The following CEMIP variants were observed in gnomAD, a reference collection of about 807,000 sequenced individuals.
CEMIP encodes cell migration-inducing and hyaluronan-binding protein.
A neutral mutation model predicts 156.9 loss-of-function variants in CEMIP; 105 were observed. That is an observed-to-expected ratio of 0.67 (90% CI 0.57 to 0.79). The LOEUF (loss-of-function observed/expected upper bound fraction) is 0.79. CEMIP is among the 30% of genes least tolerant of loss of function. The pLI is 0.00. For missense variants in CEMIP, 1,457 were observed against 1,769.4 expected, an observed-to-expected ratio of 0.82 and a Z score of 3.17; for synonymous variants, 676 against 668.4, an observed-to-expected ratio of 1.01 and a Z score of -0.17.
chr15:80,840,719 C>A (rs1465026162), intron 1 of CEMIP, among the ~76,000 whole-genome samples: 1 of 152,190 alleles, frequency 6.6e-6, no homozygotes, highest in Non-Finnish European at 1.5e-5. Context: ...CCCAGTTGCC[C>A]TGGACACACC....
At position 80,925,630 on chromosome 15, in the gene CEMIP, C is replaced by T; in HGVS notation, c.2295C>T (p.Ser765=). Residue 765 remains serine, a synonymous_variant, in exon 19 of 30, where the codon AGC becomes AGT. Transcript: ENST00000394685. ...PFLSIISARY[S]PHQDADPLKP... ...CCCCATGGTTGTGCTGCAGATACAGCCCTCACCAGGACGCCGACCCGCTGA... is the reference window on the plus strand; with the variant it reads ...CCCCATGGTTGTGCTGCAGATACAGTCCTCACCAGGACGCCGACCCGCTGA... 1 of 1,612,584 alleles carries T rather than the reference C, an allele frequency of 6.2e-7. No homozygotes were observed.
At chr15:80,858,150 C>T (rs920298717) in intron 1 of CEMIP, among the ~76,000 whole-genome samples, 2 of 152,044 alleles carry the variant, frequency 1.3e-5, no homozygotes, top group African/African-American at 2.4e-5. Flanking sequence ...AAATGTGCCA[C>T]GATTCATGCT....
chr15:80,893,833 T>TC (rs1233602253), intron 10 of CEMIP, among the ~76,000 whole-genome samples: 1 of 147,830 alleles, frequency 6.8e-6, no homozygotes, highest in East Asian at 1.9e-4. Flanking sequence ...AAAAGTCTCC[T>TC]CTTTTTTTTT....
intron 1 of CEMIP, among the ~76,000 whole-genome samples, chr15:80,800,733 T>C (rs1034297319): frequency 6.6e-6 from 1 of 152,252 alleles, no homozygotes; most frequent in Non-Finnish European, 1.5e-5. Flanking sequence ...CTAATAGATT[T>C]GCAGGGTAAT....
chr15:80,894,173 C>T (rs1899130735), intron 10 of CEMIP, among the ~76,000 whole-genome samples: 1 of 152,200 alleles, frequency 6.6e-6, no homozygotes, highest in Admixed American at 6.5e-5. Flanking sequence ...CCACCCAGAG[C>T]CCACCATGCG....
chr15:80,844,557 G>T (rs533657866), intron 1 of CEMIP, among the ~76,000 whole-genome samples: 2 of 152,192 alleles, frequency 1.3e-5, no homozygotes, highest in Non-Finnish European at 1.5e-5. Flanking sequence ...GACTCACAGA[G>T]CTGTGGCAGC....
rs770047609 is a variant in CEMIP at position 80,942,288 on chromosome 15, G to T, written c.3650G>T (p.Ser1217Ile). The change falls in exon 27 of 30, where the codon AGT (serine) becomes ATT (isoleucine). Residue 1217 changes from serine to isoleucine, a missense_variant. Physicochemically the swap from Ser to Ile is moderately radical, Grantham distance 142. Coordinates refer to ENST00000394685, the MANE Select transcript of CEMIP (RefSeq NM_001293298.2). Reference sequence around the variant, plus strand: ...CATTTCTTGGAGGTGAAGATGGAGAGTTCCAAGCAGCACTTCTTCCACCTC... The same window carrying T: ...CATTTCTTGGAGGTGAAGATGGAGATTTCCAAGCAGCACTTCTTCCACCTC... ...KDHFLEVKME[S>I]SKQHFFHLWN... The T allele has an allele frequency of 1.2e-6, 2 of 1,614,194 alleles. No homozygotes were observed. The highest frequency in any genetic ancestry group is 1.7e-6 in the Non-Finnish European group (2 of 1,180,012).
Position 80,887,699 on chromosome 15 carries a change from C to G in CEMIP, c.803C>G (p.Pro268Arg). 6.2e-7 allele frequency: 1 copy of G among 1,611,884 alleles called. No homozygotes were observed. Among genetic ancestry groups the G allele is most frequent in the Non-Finnish European group, 8.5e-7 (1 of 1,179,422 alleles). The part of the protein sequence containing the change: ...KHFLHLGFRH[P>R]WSFLTVKGNP... ...TATGTTTTTCTTTTTTTCAGACACC[C>G]TTGGAGTTTTCTAACTGTGAAAGGA... Residue 268 changes from proline (P) to arginine (R), a missense_variant, in exon 8 of 30, where the codon CCT (proline) becomes CGT (arginine). Transcript: ENST00000394685.
chr15:80,869,093 T>G (rs914220957), intron 1 of CEMIP, among the ~76,000 whole-genome samples: 4 of 152,222 alleles, frequency 2.6e-5, no homozygotes, highest in Non-Finnish European at 5.9e-5. Flanking sequence ...GCCTCTCTCC[T>G]TGGCTTGAAG....
chr15:80,846,680 G>A (rs1266076515), intron 1 of CEMIP, among the ~76,000 whole-genome samples: 3 of 152,232 alleles, frequency 2.0e-5, no homozygotes, highest in Non-Finnish European at 4.4e-5. Context: ...CCTGCCTGCC[G>A]GTGGTCCCGA....
intron 1 of CEMIP, among the ~76,000 whole-genome samples, chr15:80,818,488 G>C (rs559481558): frequency 3.0e-4 from 46 of 152,332 alleles, no homozygotes; most frequent in African/African-American, 9.1e-4. Flanking sequence ...AAAGTACTTA[G>C]AATTAGCTCC....
In CEMIP at chr15:80,881,049, G is replaced by A. The variant is rs1260380093; in HGVS notation, c.530G>A (p.Gly177Asp). Residue 177 changes from glycine to aspartate, a missense_variant, in exon 6 of 30, where the codon GGC (glycine) becomes GAC (aspartate). By Grantham distance (94) the Gly-to-Asp change is moderately conservative. Transcript: ENST00000394685. ...TLHPGGMAEGGYFFERSWGHR... is the reference protein window; with the variant it reads ...TLHPGGMAEGDYFFERSWGHR... ...CACCCAGGTGGCATGGCAGAAGGAG[G>A]CTATTTTTTTGAAAGGAGCTGGGGC... 2 of 1,614,090 alleles carry A rather than the reference G, an allele frequency of 1.2e-6. No homozygotes were observed. The highest frequency in any genetic ancestry group is 1.3e-5 in the African/African-American group (1 of 74,930).
At chr15:80,890,523 G>T (rs1442296071) in intron 10 of CEMIP, among the ~76,000 whole-genome samples, 2 of 151,520 alleles carry the variant, frequency 1.3e-5, no homozygotes, top group African/African-American at 4.8e-5. Context: ...GGAGGTGGAG[G>T]TTGTGGTGAG....
At chr15:80,817,826 T>C (rs537124448) in intron 1 of CEMIP, among the ~76,000 whole-genome samples, 1 of 152,160 alleles carries the variant, frequency 6.6e-6, no homozygotes, top group East Asian at 1.9e-4. Flanking sequence ...ATTTAATTTT[T>C]CAGTGAGATC....
At chr15:80,788,342 A>G (rs1895992860) in intron 1 of CEMIP, among the ~76,000 whole-genome samples, 1 of 151,740 alleles carries the variant, frequency 6.6e-6, no homozygotes, top group South Asian at 2.1e-4. Context: ...ATGGTGACAC[A>G]TGCCTGTAAT....
At chr15:80,794,808 C>T (rs907166846) in intron 1 of CEMIP, among the ~76,000 whole-genome samples, 3 of 151,972 alleles carry the variant, frequency 2.0e-5, no homozygotes, top group African/African-American at 4.8e-5. Context: ...AAATCACGGG[C>T]GTATGTGATT....
intron 4 of CEMIP, 87 bp from the exon 5 acceptor site, chr15:80,879,629 A>T: frequency 6.7e-7 from 1 of 1,493,440 alleles, no homozygotes; most frequent in South Asian, 1.1e-5. Context: ...TGAGATGGGG[A>T]GTGCTTAGGG....
intron 19 of CEMIP, among the ~76,000 whole-genome samples, chr15:80,928,077 A>G (rs1013332362): frequency 6.6e-6 from 1 of 152,178 alleles, no homozygotes; most frequent in Middle Eastern, 3.2e-3. Context: ...TTTAGGGACC[A>G]GAGAGGCTGG....
At position 80,942,826 on chromosome 15, in the gene CEMIP, C is replaced by G. The variant is rs1325830962; in HGVS notation, c.3700-119C>G. The G allele has an allele frequency of 4.3e-6, 5 of 1,163,140 alleles. No individual in the cohort carries two copies. In the South Asian group the frequency reaches 4.9e-5, roughly 11 times the overall value. 72.1% of individuals were successfully genotyped at this position (1,163,140 alleles called of 1,614,324 possible). On this transcript the variant is annotated intron_variant, in intron 27 of 29. Transcript: ENST00000394685. ...GGAGTTAAGTGGATAATGGAGTTTA[C>G]GCTTCAAATAGATGCATAGGCAACT...
Sources: allele counts gnomAD v4.1 joint callset (sites outside exome capture counted in the v4.1 genomes callset), GRCh38; gene constraint gnomAD v4.1.1; transcripts MANE v1.5; gene names NCBI Gene and HGNC (gene_info 2026-07-23, HGNC 2026-07-21).